Variants in KLHL32 observed in about 807,000 individuals in gnomAD.
KLHL32 encodes the protein kelch-like protein 32.
A neutral mutation model predicts 64.8 loss-of-function variants in KLHL32; 35 were observed. That is an observed-to-expected ratio of 0.54 (90% CI 0.41 to 0.72). KLHL32 has a LOEUF of 0.72. Among genes scored for constraint, KLHL32 ranks in the 30% least tolerant of loss-of-function variants. KLHL32 has a pLI of 0.00. For synonymous variants in KLHL32, 259 were observed against 281.0 expected, an observed-to-expected ratio of 0.92 and a Z score of 0.78; for missense variants, 589 against 768.5, an observed-to-expected ratio of 0.77 and a Z score of 2.76.
At chr6:96,988,407 C>G (rs1158058544) in intron 3 of KLHL32, among the ~76,000 whole-genome samples, 1 of 152,006 alleles carries the variant, frequency 6.6e-6, no homozygotes, top group Non-Finnish European at 1.5e-5. Flanking sequence ...CAGTGAGATA[C>G]CATCTCACAC....
chr6:97,128,845 A>G (rs1015981020), intron 8 of KLHL32, among the ~76,000 whole-genome samples: 2 of 152,264 alleles, frequency 1.3e-5, no homozygotes, highest in African/African-American at 4.8e-5. Context: ...GGATGCAGGC[A>G]GGCTTTGCAA....
chr6:96,920,264 C>T (rs1455654079), upstream of KLHL32, among the ~76,000 whole-genome samples: 1 of 152,206 alleles, frequency 6.6e-6, no homozygotes, highest in Non-Finnish European at 1.5e-5. Flanking sequence ...TGCTGGTCAC[C>T]TCCAGGACCT....
intron 2 of KLHL32, among the ~76,000 whole-genome samples, chr6:96,970,844 A>G (rs1775029062): frequency 6.6e-6 from 1 of 152,186 alleles, no homozygotes; most frequent in Admixed American, 6.5e-5. Flanking sequence ...TGTTCTATAG[A>G]AATGAAATTA....
At chr6:96,976,987 G>A (rs748643613) in intron 3 of KLHL32, among the ~76,000 whole-genome samples, 2 of 152,142 alleles carry the variant, frequency 1.3e-5, no homozygotes, top group African/African-American at 2.4e-5. Flanking sequence ...ACATGCATGC[G>A]GCTAATGAAG....
intron 3 of KLHL32, among the ~76,000 whole-genome samples, chr6:97,010,950 TG>T (rs1780332039): frequency 1.3e-5 from 2 of 152,192 alleles, no homozygotes; most frequent in Admixed American, 1.3e-4. Flanking sequence ...CAAATACCAG[TG>T]GATGTGTGGA....
intron 3 of KLHL32, among the ~76,000 whole-genome samples, chr6:97,011,224 G>A (rs1416168802): frequency 1.3e-5 from 2 of 152,214 alleles, no homozygotes; most frequent in East Asian, 3.8e-4. Context: ...CAAAACTGCT[G>A]TTTATTAAGA....
intron 4 of KLHL32, among the ~76,000 whole-genome samples, chr6:97,044,503 A>G (rs1230264631): frequency 1.3e-5 from 2 of 152,084 alleles, no homozygotes; most frequent in Non-Finnish European, 2.9e-5. Flanking sequence ...TTGGTATCAG[A>G]ATAATGCTAG....
At chr6:97,106,117 C>G (rs1796374050) in intron 6 of KLHL32, among the ~76,000 whole-genome samples, 2 of 152,132 alleles carry the variant, frequency 1.3e-5, no homozygotes, top group Non-Finnish European at 2.9e-5. Context: ...GATATCAAAA[C>G]AGCAGCTTCT....
chr6:97,130,126 G>A (rs954671469), intron 8 of KLHL32, among the ~76,000 whole-genome samples: 1 of 152,200 alleles, frequency 6.6e-6, no homozygotes, highest in East Asian at 1.9e-4. Context: ...GCGGCCTGAG[G>A]TACCCAATGA....
At chr6:96,926,039 A>T (rs969297894) in intron 1 of KLHL32, among the ~76,000 whole-genome samples, 1 of 151,998 alleles carries the variant, frequency 6.6e-6, no homozygotes, top group African/African-American at 2.4e-5. Flanking sequence ...CTGGGCTGTC[A>T]GTTTTGTTTT....
chr6:97,010,113 G>A (rs905867658), intron 3 of KLHL32: 5 of 132,406 alleles, frequency 3.8e-5, no homozygotes, highest in Non-Finnish European at 6.1e-5. Context: ...AAAAGGATCA[G>A]GCACTGATTT....
intron 3 of KLHL32, among the ~76,000 whole-genome samples, chr6:97,017,825 CTCTT>C (rs1275825873): frequency 6.6e-6 from 1 of 152,124 alleles, no homozygotes; most frequent in Non-Finnish European, 1.5e-5. Context: ...TCCACAGTCT[CTCTT>C]TCTCATCTAC....
At chr6:97,100,141 C>CA (rs1011051194) in intron 6 of KLHL32, among the ~76,000 whole-genome samples, 3 of 151,690 alleles carry the variant, frequency 2.0e-5, no homozygotes, top group African/African-American at 7.3e-5. Flanking sequence ...GACTCTATCT[C>CA]AAAAAATACA....
chr6:96,925,487 A>T (rs184471196), intron 1 of KLHL32, among the ~76,000 whole-genome samples: 1 of 152,340 alleles, frequency 6.6e-6, no homozygotes, highest in East Asian at 1.9e-4. Flanking sequence ...GATTCGTCAG[A>T]TGAATTTTTC....
At chr6:97,080,724 G>T (rs1349307438) in intron 5 of KLHL32, among the ~76,000 whole-genome samples, 2 of 152,176 alleles carry the variant, frequency 1.3e-5, no homozygotes, top group Non-Finnish European at 2.9e-5. Flanking sequence ...CAAACCAGCA[G>T]CTCCTTCCTC....
intron 3 of KLHL32, among the ~76,000 whole-genome samples, chr6:97,031,589 C>T (rs1351195608): frequency 6.6e-6 from 1 of 152,142 alleles, no homozygotes; most frequent in East Asian, 1.9e-4. Context: ...CTTCTAGCCT[C>T]AGCCTCCCAA....
At chr6:96,926,118 A>G (rs1382632696) in intron 1 of KLHL32, among the ~76,000 whole-genome samples, 1 of 152,198 alleles carries the variant, frequency 6.6e-6, no homozygotes, top group Non-Finnish European at 1.5e-5. Flanking sequence ...GCAATCCAGT[A>G]ATTACACTTT....
intron 2 of KLHL32, among the ~76,000 whole-genome samples, chr6:96,968,391 CA>C (rs111931786): frequency 1.5e-4 from 22 of 147,052 alleles, no homozygotes; most frequent in East Asian, 4.0e-4. Flanking sequence ...AAAACAAAAA[CA>C]AAAAAAAAAA....
chr6:96,990,920 C>T (rs1777784700), intron 3 of KLHL32, among the ~76,000 whole-genome samples: 1 of 151,784 alleles, frequency 6.6e-6, no homozygotes, highest in Non-Finnish European at 1.5e-5. Flanking sequence ...GGAAGTACCA[C>T]TGCAGTGGCA....
Sources: gnomAD v4.1 joint callset for allele counts (sites outside exome capture counted in the v4.1 genomes callset) on GRCh38, gnomAD v4.1.1 for gene constraint, MANE v1.5 for transcripts, NCBI Gene and HGNC (gene_info 2026-07-23, HGNC 2026-07-21) for gene names.